The following ADGRA3 variants were observed in gnomAD, a reference collection of about 807,000 sequenced individuals.
ADGRA3 encodes G-protein coupled receptor 125.
ADGRA3 carries 56 observed loss-of-function variants against 119.8 expected under a neutral mutation model. That is an observed-to-expected ratio of 0.47 (90% CI 0.38 to 0.58). The LOEUF (loss-of-function observed/expected upper bound fraction) is 0.58, where lower values mean the gene tolerates loss of function less well. Among genes scored for constraint, ADGRA3 ranks in the 20% least tolerant of loss-of-function variants. The pLI is 0.00. For missense variants in ADGRA3, 1,516 were observed against 1,649.0 expected (o/e 0.92, Z 1.40); for synonymous variants, 607 against 623.8 (o/e 0.97, Z 0.40).
In ADGRA3 at chr4:22,416,765, CA is replaced by C. The variant is rs201771884; in HGVS notation, c.1810-2952del. ...ACACTAAAAATTGATGAAATATGAA[CA>C]CACAAGAAATGACTGTTACCACACA... On this transcript the variant is annotated intron_variant, in intron 12 of 18. Transcript: ENST00000334304. 8.7e-3 allele frequency among the ~76,000 whole-genome samples: 1,319 copies of C among 152,210 alleles called. 18 individuals are homozygous for C. The highest frequency in any genetic ancestry group is 0.044 in the East Asian group (226 of 5,176).
At position 22,498,448 on chromosome 4, in the gene ADGRA3, G is replaced by A. The variant is rs372783698; in HGVS notation, c.257+17080C>T. Among the ~76,000 whole-genome samples, 87 of 151,324 alleles carry A rather than the reference G, an allele frequency of 5.7e-4. 2 individuals are homozygous for A. The highest frequency in any genetic ancestry group is 5.7e-3 in the Admixed American group (86 of 15,166). On this transcript the variant is annotated intron_variant, in intron 1 of 18. Coordinates refer to ENST00000334304, the MANE Select transcript of ADGRA3 (RefSeq NM_145290.4). ...AGCCAGACCAACTTGGTGAAACCTC[G>A]TCTCTACTAAAAATACAAAATTAGC... is the stretch of plus-strand genomic sequence containing the variant.
Position 22,498,612 on chromosome 4 carries a change from G to A in ADGRA3, c.257+16916C>T, listed in dbSNP as rs149966607. Among the ~76,000 whole-genome samples the A allele has an allele frequency of 5.3e-3, 784 of 147,010 alleles. 7 individuals carry two copies. The highest frequency in any genetic ancestry group is 0.018 in the African/African-American group (716 of 39,802). On this transcript the variant is annotated intron_variant, in intron 1 of 18. Transcript: ENST00000334304. ...CAGCCTAAGCAATGAGCCACACACC[G>A]TCCCAAAAAAGAAAAAAGGAGGGCC...
Position 22,510,009 on chromosome 4 carries a change from C to CAAA in ADGRA3, c.257+5516_257+5518dup, listed in dbSNP as rs545010218. Among the ~76,000 whole-genome samples the CAAA allele has an allele frequency of 1.1e-4, 11 of 98,816 alleles. No individual in the cohort carries two copies. The East Asian group carries it at 2.1e-3, about 19-fold the overall frequency. 64.8% of individuals were successfully genotyped at this position (98,816 alleles called of 152,430 possible). ...TGGGCGACAGAGCGAGACTCCGTCT[C>CAAA]AAAAAAAAAAAAAAAAAAAGAAATG... On this transcript the variant is annotated intron_variant, in intron 1 of 18. Transcript: ENST00000334304.
intron 7 of ADGRA3, among the ~76,000 whole-genome samples, chr4:22,440,567 T>A (rs970938446): frequency 1.3e-5 from 2 of 152,080 alleles, no homozygotes; most frequent in Non-Finnish European, 2.9e-5. Flanking sequence ...AAATGTTAGG[T>A]TAACTTGTTA....
At chr4:22,421,361 C>A (rs943625301) in intron 11 of ADGRA3, among the ~76,000 whole-genome samples, 1 of 151,478 alleles carries the variant, frequency 6.6e-6, no homozygotes, top group Non-Finnish European at 1.5e-5. Context: ...TCTAAGAAGT[C>A]AATTAAAAAT....
At chr4:22,428,732 G>C (rs1716041704) in intron 10 of ADGRA3, among the ~76,000 whole-genome samples, 1 of 152,188 alleles carries the variant, frequency 6.6e-6, no homozygotes, top group Non-Finnish European at 1.5e-5. Context: ...CATTCTGAAA[G>C]TCAAGTTTTA....
chr4:22,471,157 G>A (rs1171866847), intron 2 of ADGRA3, among the ~76,000 whole-genome samples: 1 of 152,162 alleles, frequency 6.6e-6, no homozygotes, highest in Non-Finnish European at 1.5e-5. Flanking sequence ...CCCAGGGCCA[G>A]AGCAGAGCAG....
chr4:22,508,610 G>C (rs945394928), intron 1 of ADGRA3, among the ~76,000 whole-genome samples: 12 of 152,150 alleles, frequency 7.9e-5, no homozygotes, highest in African/African-American at 2.9e-4. Context: ...TGAGAATTCA[G>C]GCTGTGGCGT....
chr4:22,424,577 GCCA>G (rs1715856762), intron 10 of ADGRA3, among the ~76,000 whole-genome samples: 1 of 152,094 alleles, frequency 6.6e-6, no homozygotes, highest in South Asian at 2.1e-4. Flanking sequence ...TATGTAAGTG[GCCA>G]CCACATCACT....
At chr4:22,485,024 A>T (rs1044634154) in intron 1 of ADGRA3, among the ~76,000 whole-genome samples, 3 of 151,882 alleles carry the variant, frequency 2.0e-5, no homozygotes, top group African/African-American at 7.3e-5. Flanking sequence ...CAGAAGACTA[A>T]TTTTCTTAAG....
intron 10 of ADGRA3, among the ~76,000 whole-genome samples, chr4:22,433,775 C>A (rs2323409): frequency 0.9 from 136,248 of 151,782 alleles, 62,335 homozygotes; most frequent in South Asian, 0.98. Context: ...TGGGCACCAA[C>A]CCTGTCATCT....
At chr4:22,439,620 A>C (rs555427128) in intron 7 of ADGRA3, among the ~76,000 whole-genome samples, 2 of 152,338 alleles carry the variant, frequency 1.3e-5, no homozygotes, top group Non-Finnish European at 2.9e-5. Context: ...TGAATCATCA[A>C]AGAAAATGTT....
chr4:22,455,804 C>T (rs1717216001), intron 3 of ADGRA3: 1 of 1,288,198 alleles, frequency 7.8e-7, no homozygotes, highest in African/African-American at 1.5e-5. Context: ...ATATCTGTAA[C>T]TTACACCTGG....
intron 1 of ADGRA3, among the ~76,000 whole-genome samples, chr4:22,486,227 T>C (rs1718429187): frequency 6.6e-6 from 1 of 152,148 alleles, no homozygotes; most frequent in Admixed American, 6.5e-5. Flanking sequence ...TTCAACAGAA[T>C]TTTGAAAGGA....
At chr4:22,427,150 C>T (rs936081627) in intron 10 of ADGRA3, among the ~76,000 whole-genome samples, 3 of 152,106 alleles carry the variant, frequency 2.0e-5, no homozygotes, top group African/African-American at 4.8e-5. Flanking sequence ...GTGAAATATG[C>T]TTTATGGCTA....
At chr4:22,428,234 A>G (rs997557142) in intron 10 of ADGRA3, among the ~76,000 whole-genome samples, 2 of 152,134 alleles carry the variant, frequency 1.3e-5, no homozygotes, top group Non-Finnish European at 2.9e-5. Flanking sequence ...CAAGTCTGTC[A>G]CAAGTTTAGA....
chr4:22,397,656 A>T (rs1714421078), intron 16 of ADGRA3, among the ~76,000 whole-genome samples: 1 of 152,130 alleles, frequency 6.6e-6, no homozygotes, highest in South Asian at 2.1e-4. Context: ...GAGGTAACTG[A>T]ATCATGAGGG....
intron 16 of ADGRA3, chr4:22,394,164 G>A (rs1231616632): frequency 6.6e-6 from 1 of 152,098 alleles, no homozygotes; most frequent in East Asian, 1.9e-4. Context: ...CTAAAGGGAT[G>A]CCTCTCCAAC....
At chr4:22,505,483 C>T (rs4697312) in intron 1 of ADGRA3, among the ~76,000 whole-genome samples, 65,658 of 151,540 alleles carry the variant, frequency 0.43, 15,264 homozygotes, top group East Asian at 0.6. Context: ...CACATCTCTA[C>T]TAAAAATACA....
Sources: gnomAD v4.1 joint callset for allele counts (sites outside exome capture counted in the v4.1 genomes callset) on GRCh38, gnomAD v4.1.1 for gene constraint, MANE v1.5 for transcripts, NCBI Gene and HGNC (gene_info 2026-07-23, HGNC 2026-07-21) for gene names.